Variants in PCNX2 observed in about 807,000 individuals in gnomAD.
PCNX2 encodes the protein pecanex-like protein 2.
A neutral mutation model predicts 223.8 loss-of-function variants in PCNX2; 168 were observed. That is an observed-to-expected ratio of 0.75 (90% confidence interval 0.66 to 0.85). The LOEUF (loss-of-function observed/expected upper bound fraction) is 0.85. PCNX2 is among the 40% of genes least tolerant of loss of function. The probability of loss-of-function intolerance (pLI) is 0.00; values close to 1 mark genes in which losing one functional copy is unlikely to be tolerated. For synonymous variants in PCNX2, 1,006 were observed against 1,052.6 expected, an observed-to-expected ratio of 0.96 and a Z score of 0.86; for missense variants, 2,507 against 2,675.5, an observed-to-expected ratio of 0.94 and a Z score of 1.39.
chr1:232,992,893 G>C (rs1669751647), intron 32 of PCNX2, among the ~76,000 whole-genome samples: 1 of 152,202 alleles, frequency 6.6e-6, no homozygotes, highest in African/African-American at 2.4e-5. Flanking sequence ...GACACACCTT[G>C]CTTCCCCTTC....
intron 21 of PCNX2, among the ~76,000 whole-genome samples, chr1:233,106,556 G>T (rs1268279060): frequency 2.0e-5 from 3 of 151,860 alleles, no homozygotes; most frequent in Non-Finnish European, 4.4e-5. Flanking sequence ...GTTTCACCGT[G>T]TTAGTCAGGA....
intron 19 of PCNX2, among the ~76,000 whole-genome samples, chr1:233,155,125 C>T (rs1678042055): frequency 6.6e-6 from 1 of 151,236 alleles, no homozygotes; most frequent in African/African-American, 2.4e-5. Flanking sequence ...AGCTAAAGTG[C>T]GAGAGTGCGG....
In PCNX2 at chr1:233,090,134, T is replaced by A. The variant is rs770786326; in HGVS notation, c.4003A>T (p.Ser1335Cys). 30 of 1,613,828 alleles carry A rather than the reference T, an allele frequency of 1.9e-5. No homozygotes were observed. The highest frequency in any genetic ancestry group is 1.6e-4 in the Middle Eastern group (1 of 6,062). ...IATSIFSTPL[S>C]PFLGSVIFIT... is the part of the protein sequence containing the mutation. ...AAAATGACACTCCCAAGAAATGGGC[T>A]CAATGGGGTAGAAAAGATTGATGTG... Residue 1335 changes from serine to cysteine, a missense_variant, in exon 23 of 34, where the codon AGC becomes TGC. Physicochemically the swap from Ser to Cys is moderately radical, Grantham distance 112. This residue lies in a region of PCNX2 where 1,372 missense variants were observed against 1,509.4 expected (regional missense o/e 0.91). Transcript: ENST00000258229.
chr1:233,148,134 A>C (rs1677572939), intron 19 of PCNX2, among the ~76,000 whole-genome samples: 2 of 152,226 alleles, frequency 1.3e-5, no homozygotes, highest in Non-Finnish European at 2.9e-5. Flanking sequence ...TTAATTCTGC[A>C]TCTCTAGATG....
At chr1:233,009,953 AT>A (rs544800308) in intron 28 of PCNX2, among the ~76,000 whole-genome samples, 186 of 152,098 alleles carry the variant, frequency 1.2e-3, no homozygotes, top group African/African-American at 4.3e-3. Context: ...GTAGGCTATC[AT>A]TTTTTCCCCC....
At chr1:233,018,513 G>A (rs1477117338) in intron 26 of PCNX2, among the ~76,000 whole-genome samples, 1 of 152,124 alleles carries the variant, frequency 6.6e-6, no homozygotes, top group Non-Finnish European at 1.5e-5. Context: ...TGATTATTAT[G>A]AGTAACAGCT....
chr1:233,025,046 G>A lies in PCNX2; in HGVS notation c.4605+100C>T. 3 of 1,483,844 alleles carry A rather than the reference G, an allele frequency of 2.0e-6. No individual in the cohort carries two copies. In the Admixed American group the frequency reaches 5.6e-5, roughly 28 times the overall value. The allele number at this position is 1,483,844 out of a possible 1,614,324, so 91.9% of individuals were successfully genotyped here. A position where few individuals can be genotyped will look rare whatever the true frequency, so the allele number is the denominator to read the frequency against. On this transcript the variant is annotated intron_variant, in intron 26 of 33. Coordinates refer to ENST00000258229, the MANE Select transcript of PCNX2 (RefSeq NM_014801.4). Reference sequence around the variant, plus strand: ...CTGGGTTTCCAATTCGGAAGCTGAGGATGACAGGCTTCAAAATTTAGCTTT... The same window carrying A: ...CTGGGTTTCCAATTCGGAAGCTGAGAATGACAGGCTTCAAAATTTAGCTTT...
chr1:233,009,574 G>T (rs547821392), intron 28 of PCNX2, among the ~76,000 whole-genome samples: 2 of 152,196 alleles, frequency 1.3e-5, no homozygotes, highest in Non-Finnish European at 2.9e-5. Context: ...CACATCAAGC[G>T]GATCAACTAC....
intron 28 of PCNX2, among the ~76,000 whole-genome samples, chr1:233,007,625 C>T (rs1670330343): frequency 6.6e-6 from 1 of 152,206 alleles, no homozygotes; most frequent in African/African-American, 2.4e-5. Flanking sequence ...GCAACCTCCA[C>T]CTCCCAGGTT....
In PCNX2 at chr1:233,179,075, G is replaced by C; in HGVS notation, c.3167C>G (p.Ser1056Cys). ...YHLSRQSSDP[S>C]VLMSFIQCRL... ...GGCATAGACCACTCACATGAGTACA[G>C]ATGGGTCACTGCTCTGACGGCTCAG... Residue 1056 changes from serine to cysteine, a missense_variant, in exon 16 of 34, where the codon TCT becomes TGT. Physicochemically the swap from Ser to Cys is moderately radical, Grantham distance 112. This residue lies in a region of PCNX2 where 1,372 missense variants were observed against 1,509.4 expected (regional missense o/e 0.91). Coordinates refer to ENST00000258229, the MANE Select transcript of PCNX2 (RefSeq NM_014801.4). The C allele has an allele frequency of 6.2e-7, 1 of 1,613,688 alleles. No homozygotes were observed. The highest frequency in any genetic ancestry group is 8.5e-7 in the Non-Finnish European group (1 of 1,179,744).
intron 19 of PCNX2, among the ~76,000 whole-genome samples, chr1:233,152,564 A>C (rs1279848175): frequency 6.6e-6 from 1 of 152,236 alleles, no homozygotes; most frequent in African/African-American, 2.4e-5. Flanking sequence ...AACACTAGAT[A>C]CATTTGAAAG....
intron 1 of PCNX2, among the ~76,000 whole-genome samples, chr1:233,274,275 G>C (rs1343612537): frequency 1.3e-5 from 2 of 152,216 alleles, no homozygotes; most frequent in South Asian, 2.1e-4. Context: ...TCTTGGGCCA[G>C]ATAGTTTTTT....
intron 10 of PCNX2, among the ~76,000 whole-genome samples, chr1:233,220,494 G>T (rs576139503): frequency 1.3e-5 from 2 of 152,028 alleles, no homozygotes; most frequent in East Asian, 3.9e-4. Flanking sequence ...GGTGTGTAGT[G>T]GTATCTCATT....
rs148362232 is a variant in PCNX2 at position 233,120,963 on chromosome 1, G to A, written c.3837+14050C>T. ...GAACAAACAGTCCAGGAACTAATAA[G>A]TCAGCATAGCAAGGCTGCCCTATAT... On this transcript the variant is annotated intron_variant, in intron 21 of 33. Coordinates refer to ENST00000258229, the MANE Select transcript of PCNX2 (RefSeq NM_014801.4). Among the ~76,000 whole-genome samples, 268 of 151,820 alleles carry A rather than the reference G, an allele frequency of 1.8e-3. 3 individuals are homozygous for A. The highest frequency in any genetic ancestry group is 6.8e-3 in the Middle Eastern group (2 of 294).
intron 25 of PCNX2, among the ~76,000 whole-genome samples, chr1:233,043,656 G>A (rs1480874972): frequency 1.0e-5 from 1 of 99,744 alleles, no homozygotes; most frequent in Non-Finnish European, 2.0e-5. Context: ...AATATGCGGT[G>A]TTTGGTTTTT....
At chr1:233,075,501 A>ATTTG (rs953267381) in intron 23 of PCNX2, among the ~76,000 whole-genome samples, 1 of 152,034 alleles carries the variant, frequency 6.6e-6, no homozygotes, top group African/African-American at 2.4e-5. Flanking sequence ...GGTTTTTTGT[A>ATTTG]TTTGTTTGTT....
At chr1:233,067,516 C>T (rs189490479) in intron 23 of PCNX2, among the ~76,000 whole-genome samples, 307 of 151,672 alleles carry the variant, frequency 2.0e-3, no homozygotes, top group African/African-American at 6.3e-3. Context: ...CTCTGTCATC[C>T]GGGCTGAAGT....
rs1661619317 is a variant in PCNX2 at position 233,289,201 on chromosome 1, A to T, written c.153+6125T>A. ...TGCTTCCCACTGAACTTTTTCTCCA[A>T]TTCACATACTAGCCGGACTTGGATT... On this transcript the variant is annotated intron_variant, in intron 1 of 33. Transcript: ENST00000258229. The T allele has an allele frequency of 9.4e-6, 8 of 846,656 alleles. No individual in the cohort carries two copies. The South Asian group carries it at 1.1e-4, about 11-fold the overall frequency. The allele number at this position is 846,656 out of a possible 1,614,324, so 52.4% of individuals were successfully genotyped here.
chr1:233,134,155 C>G (rs920155598), intron 21 of PCNX2, among the ~76,000 whole-genome samples: 1 of 152,000 alleles, frequency 6.6e-6, no homozygotes, highest in Non-Finnish European at 1.5e-5. Flanking sequence ...AGAAGAAACC[C>G]CGTGGCTGCT....
Sources: gnomAD v4.1 joint callset for allele counts (sites outside exome capture counted in the v4.1 genomes callset) on GRCh38, gnomAD v4.1.1 for gene constraint, gnomAD v4.1.1 regional missense constraint, MANE v1.5 for transcripts, NCBI Gene and HGNC (gene_info 2026-07-23, HGNC 2026-07-21) for gene names.